Variants in IGF1R observed in about 807,000 individuals in gnomAD.
IGF1R encodes insulin like growth factor 1 receptor.
A neutral mutation model predicts 144.6 loss-of-function variants in IGF1R; 44 were observed. The observed-to-expected ratio is 0.30, with a 90% confidence interval of 0.24 to 0.39. IGF1R has a LOEUF of 0.39. Among genes scored for constraint, IGF1R ranks in the 10% least tolerant of loss-of-function variants. The pLI is 1.00. For synonymous variants in IGF1R, 795 were observed against 722.8 expected (o/e 1.10, Z -1.60); for missense variants, 1,355 against 1,833.7 (o/e 0.74, Z 4.77).
chr15:98,852,302 G>T (rs1337767477), intron 2 of IGF1R, among the ~76,000 whole-genome samples: 1 of 152,004 alleles, frequency 6.6e-6, no homozygotes, highest in African/African-American at 2.4e-5. Context: ...TCTGGCGCGC[G>T]CGCCCCACCC....
At chr15:98,946,966 G>A (rs1019960582) in intron 19 of IGF1R, among the ~76,000 whole-genome samples, 1 of 152,218 alleles carries the variant, frequency 6.6e-6, no homozygotes, top group African/African-American at 2.4e-5. Flanking sequence ...TTGTTGGAGA[G>A]CTAGTCATTT....
At chr15:98,682,063 C>T (rs2053202847) in intron 1 of IGF1R, among the ~76,000 whole-genome samples, 1 of 152,154 alleles carries the variant, frequency 6.6e-6, no homozygotes, top group South Asian at 2.1e-4. Context: ...CTTCTAGGGG[C>T]AGGACTGATG....
At chr15:98,653,417 G>T (rs904234919) in intron 1 of IGF1R, among the ~76,000 whole-genome samples, 2 of 152,152 alleles carry the variant, frequency 1.3e-5, no homozygotes, top group African/African-American at 4.8e-5. Context: ...GACCACAAGT[G>T]GTAGTAAGGA....
At chr15:98,659,753 A>C (rs184742530) in intron 1 of IGF1R, among the ~76,000 whole-genome samples, 1 of 152,294 alleles carries the variant, frequency 6.6e-6, no homozygotes, top group Non-Finnish European at 1.5e-5. Flanking sequence ...AAAATATTTG[A>C]GATTAGAGAT....
chr15:98,827,426 C>T (rs7173077), intron 2 of IGF1R, among the ~76,000 whole-genome samples: 8,252 of 152,122 alleles, frequency 0.054, 735 homozygotes, highest in African/African-American at 0.19. Flanking sequence ...AGGAAGTGGT[C>T]ATGGGAAAAG....
intron 5 of IGF1R, among the ~76,000 whole-genome samples, chr15:98,907,517 A>G (rs2014791566): frequency 6.6e-6 from 1 of 152,202 alleles, no homozygotes; most frequent in Non-Finnish European, 1.5e-5. Flanking sequence ...CTGATTCCCA[A>G]ACTTAGTAAG....
chr15:98,880,393 T>C (rs555369684), intron 2 of IGF1R, among the ~76,000 whole-genome samples: 2 of 152,346 alleles, frequency 1.3e-5, no homozygotes, highest in East Asian at 1.9e-4. Context: ...TTTTCTTTTT[T>C]CTCAATACTC....
intron 17 of IGF1R, among the ~76,000 whole-genome samples, chr15:98,937,453 G>A (rs554542435): frequency 6.8e-4 from 103 of 152,284 alleles, no homozygotes; most frequent in Middle Eastern, 6.8e-3. Context: ...AAATAAGAGG[G>A]TGGGACAAGA....
chr15:98,865,469 A>G (rs2012380951), intron 2 of IGF1R, among the ~76,000 whole-genome samples: 1 of 152,090 alleles, frequency 6.6e-6, no homozygotes, highest in Admixed American at 6.5e-5. Flanking sequence ...CGGCGTGCAT[A>G]GCGGCCACGT....
chr15:98,725,873 C>A (rs1238046745), intron 2 of IGF1R, among the ~76,000 whole-genome samples: 2 of 151,864 alleles, frequency 1.3e-5, no homozygotes, highest in Non-Finnish European at 2.9e-5. Flanking sequence ...CCCTGATAAA[C>A]CCATCAGATC....
At position 98,948,643 on chromosome 15, in the gene IGF1R, G is replaced by A; in HGVS notation, c.3657G>A (p.Glu1219=). ...AGCCCTACCAGGGCTTGTCCAACGA[G>A]CAAGTCCTTCGCTTCGTCATGGAGG... ...AEQPYQGLSN[E]QVLRFVMEGG... Residue 1219 remains glutamate, a synonymous_variant, in exon 20 of 21, where the codon GAG becomes GAA. Coordinates refer to ENST00000650285, the MANE Select transcript of IGF1R (RefSeq NM_000875.5). The A allele has an allele frequency of 1.9e-6, 3 of 1,614,176 alleles. No homozygotes were observed. Among genetic ancestry groups the A allele is most frequent in the Non-Finnish European group, 1.7e-6 (2 of 1,179,996 alleles).
At chr15:98,659,469 A>G (rs150780146) in intron 1 of IGF1R, among the ~76,000 whole-genome samples, 1 of 152,192 alleles carries the variant, frequency 6.6e-6, no homozygotes, top group African/African-American at 2.4e-5. Context: ...AAGGAGGAAG[A>G]TAGCGATCCC....
intron 1 of IGF1R, among the ~76,000 whole-genome samples, chr15:98,672,809 C>T: frequency 6.6e-6 from 1 of 152,002 alleles, no homozygotes; most frequent in East Asian, 1.9e-4. Flanking sequence ...ATTTTTCCCC[C>T]CTAAATACGG....
At chr15:98,917,958 A>G (rs2015322012) in intron 10 of IGF1R, among the ~76,000 whole-genome samples, 1 of 152,234 alleles carries the variant, frequency 6.6e-6, no homozygotes, top group Non-Finnish European at 1.5e-5. Context: ...ATGCCACTGA[A>G]TTGTACCCTT....
chr15:98,879,159 C>T (rs187667558), intron 2 of IGF1R, among the ~76,000 whole-genome samples: 11 of 152,176 alleles, frequency 7.2e-5, no homozygotes, highest in Non-Finnish European at 1.5e-4. Context: ...GATTTTTTGT[C>T]GTTACCATTA....
chr15:98,763,677 A>G (rs1434664578), intron 2 of IGF1R, among the ~76,000 whole-genome samples: 4 of 152,138 alleles, frequency 2.6e-5, no homozygotes, highest in Admixed American at 1.3e-4. Flanking sequence ...TTCTGGTACA[A>G]ATTCCCTTGT....
intron 2 of IGF1R, among the ~76,000 whole-genome samples, chr15:98,774,460 A>G (rs2055663957): frequency 6.6e-6 from 1 of 152,192 alleles, no homozygotes; most frequent in South Asian, 2.1e-4. Flanking sequence ...TCGAGTTTAG[A>G]TTTTAAAGTT....
At position 98,717,022 on chromosome 15, in the gene IGF1R, G is replaced by A. The variant is rs574787909; in HGVS notation, c.640+8915G>A. On this transcript the variant is annotated intron_variant, in intron 2 of 20. Coordinates refer to ENST00000650285, the MANE Select transcript of IGF1R (RefSeq NM_000875.5). ...TGTTTAGGTGGCTCCACATGCGGAT[G>A]TACAGCTTTCCCCTGCTTGTTTTCC... Among the ~76,000 whole-genome samples, 11 of 152,304 alleles carry A rather than the reference G, an allele frequency of 7.2e-5. No individual in the cohort carries two copies. In the South Asian group the frequency reaches 1.9e-3, roughly 26 times the overall value.
intron 2 of IGF1R, among the ~76,000 whole-genome samples, chr15:98,840,129 C>G (rs187935294): frequency 1.1e-4 from 16 of 152,242 alleles, no homozygotes; most frequent in Non-Finnish European, 2.2e-4. Flanking sequence ...CTGTCCTTCC[C>G]GGACATCTTT....
Sources: allele counts gnomAD v4.1 joint callset (sites outside exome capture counted in the v4.1 genomes callset), GRCh38; gene constraint gnomAD v4.1.1; transcripts MANE v1.5; gene names NCBI Gene and HGNC (gene_info 2026-07-23, HGNC 2026-07-21).